The following MAP3K15 variants were observed in gnomAD, a reference collection of about 807,000 sequenced individuals.
MAP3K15 encodes MAPK/ERK kinase kinase 15.
MAP3K15 carries 124 observed loss-of-function variants against 99.5 expected under a neutral mutation model. That is an observed-to-expected ratio of 1.25 (90% CI 1.08 to 1.45). MAP3K15 has a LOEUF of 1.45. Ranked by LOEUF, MAP3K15 falls within the 40% of genes most tolerant of loss-of-function variation. The pLI is 0.00. For synonymous variants in MAP3K15, 494 were observed against 439.6 expected (o/e 1.12, Z -1.55); for missense variants, 1,242 against 1,079.7 (o/e 1.15, Z -2.11).
chrX:19,407,407 C>T (rs2063656069), intron 12 of MAP3K15, 124 bp from the exon 13 acceptor site: 2 of 390,462 alleles, frequency 5.1e-6, no homozygotes, highest in Non-Finnish European at 8.7e-6. Context: ...AACAAACACC[C>T]CCCGAGTCTG....
At position 19,422,346 on chromosome X, in the gene MAP3K15, C is replaced by G. The variant is rs908022762; in HGVS notation, c.1439+3185G>C. ...AACAAATTTACAAGAAAAAAACAAA[C>G]AATCCCATCAAAAAGTGGGCAAAGA... is the stretch of plus-strand genomic sequence containing the variant. On this transcript the variant is annotated intron_variant, in intron 9 of 28. Coordinates refer to ENST00000338883, the MANE Select transcript of MAP3K15 (RefSeq NM_001001671.4). 2.7e-5 allele frequency among the ~76,000 whole-genome samples: 3 copies of G among 111,599 alleles called. No individual in the cohort carries two copies. In the Admixed American group the frequency reaches 2.9e-4, roughly 11 times the overall value.
At chrX:19,373,411 C>A in intron 21 of MAP3K15, 125 bp downstream of exon 21, 4 of 881,953 alleles carry the variant, frequency 4.5e-6, no homozygotes, top group Non-Finnish European at 6.3e-6. Context: ...AGCTGCCCTA[C>A]TGCCCTGCAG....
chrX:19,392,550 G>C, intron 16 of MAP3K15, 77 bp from the exon 17 acceptor site: 3 of 1,062,314 alleles, frequency 2.8e-6, no homozygotes, highest in African/African-American at 1.8e-5. Context: ...AGTGAGGTGA[G>C]GTTTCTAACC....
At chrX:19,454,788 C>A (rs1434542734) in intron 6 of MAP3K15, among the ~76,000 whole-genome samples, 1 of 111,755 alleles carries the variant, frequency 8.9e-6, no homozygotes, top group Non-Finnish European at 1.9e-5. Flanking sequence ...ATGCTCGGGA[C>A]CAGAAGTGCT....
At chrX:19,498,076 G>A (rs1394341045) in intron 1 of MAP3K15, among the ~76,000 whole-genome samples, 2 of 111,924 alleles carry the variant, frequency 1.8e-5, no homozygotes, top group Non-Finnish European at 3.8e-5. Flanking sequence ...TGTGATAAAT[G>A]GAAATGTATA....
At chrX:19,476,493 T>TA (rs1333220786) in intron 3 of MAP3K15, among the ~76,000 whole-genome samples, 1 of 111,955 alleles carries the variant, frequency 8.9e-6, no homozygotes, top group Non-Finnish European at 1.9e-5. Flanking sequence ...AAATCCAAGT[T>TA]GACACAACTC....
chrX:19,441,579 C>A (rs757861664), intron 6 of MAP3K15, among the ~76,000 whole-genome samples: 1 of 111,486 alleles, frequency 9.0e-6, no homozygotes, highest in South Asian at 3.8e-4. Context: ...CAAGCCATCC[C>A]GAGTAGCTGG....
At chrX:19,447,700 C>T (rs1033457434) in intron 6 of MAP3K15, among the ~76,000 whole-genome samples, 1 of 96,492 alleles carries the variant, frequency 1.0e-5, no homozygotes, top group South Asian at 5.7e-4. Context: ...CGGCTAAAAG[C>T]GGTGAAACCC....
At chrX:19,361,645 A>G (rs776362774) in intron 26 of MAP3K15, 52 bp from the exon 27 acceptor site, 6 of 845,402 alleles carry the variant, frequency 7.1e-6, no homozygotes, top group Non-Finnish European at 1.0e-5. Flanking sequence ...AAACTCTTCA[A>G]AAGTAACCAG....
chrX:19,422,792 C>T (rs899779632), intron 9 of MAP3K15, among the ~76,000 whole-genome samples: 5 of 111,449 alleles, frequency 4.5e-5, no homozygotes, highest in Admixed American at 1.9e-4. Flanking sequence ...TGTCCAACAA[C>T]GATAGACTGA....
chrX:19,364,119 C>T (rs192269986), intron 25 of MAP3K15, among the ~76,000 whole-genome samples: 5 of 112,253 alleles, frequency 4.5e-5, no homozygotes, highest in African/African-American at 1.6e-4. Context: ...TGCGGCACTT[C>T]TAGGAAGCAC....
chrX:19,391,674 C>CAAAAAAAAAAAAAAAAAAAAAAAAAAA (rs759061873), intron 18 of MAP3K15, among the ~76,000 whole-genome samples: 7 of 28,525 alleles, frequency 2.5e-4, no homozygotes, highest in East Asian at 1.2e-3. Flanking sequence ...GACCCCGTCT[C>CAAAAAAAAAAAAAAAAAAAAAAAAAAA]AAAAAAAAAA....
chrX:19,436,933 C>G (rs1314481608), intron 6 of MAP3K15, among the ~76,000 whole-genome samples: 4 of 111,776 alleles, frequency 3.6e-5, no homozygotes, highest in Non-Finnish European at 5.6e-5. Flanking sequence ...CCACCTTGGC[C>G]TCCTCAAGTG....
Position 19,371,326 on chromosome X carries a change from G to C in MAP3K15, c.3294+19C>G. On this transcript the variant is annotated intron_variant, in intron 23 of 28. Transcript: ENST00000338883. ...TTCCAAGATCTGGTGTGTTCCCTAG[G>C]GCCAGATGGAGCACTTACGGCATCC... The C allele has an allele frequency of 8.4e-7, 1 of 1,196,956 alleles. No homozygotes were observed. Among genetic ancestry groups the C allele is most frequent in the Admixed American group, 2.2e-5 (1 of 45,647 alleles).
At position 19,494,079 on chromosome X, in the gene MAP3K15, G is replaced by GA. The variant is rs1179677098; in HGVS notation, c.362-5113dup. Among the ~76,000 whole-genome samples, 23 of 106,253 alleles carry GA rather than the reference G, an allele frequency of 2.2e-4. No individual in the cohort carries two copies. The South Asian group carries it at 3.2e-3, about 15-fold the overall frequency. 92.3% of individuals were successfully genotyped at this position (106,253 alleles called of 115,157 possible). On this transcript the variant is annotated intron_variant, in intron 1 of 28. Coordinates refer to ENST00000338883, the MANE Select transcript of MAP3K15 (RefSeq NM_001001671.4). ...CCTACTGACGCAGGCCAGCTTCAGG[G>GA]AAAAAAAAAACACATATCATATAAA...
At chrX:19,391,108 A>G (rs1011184206) in intron 18 of MAP3K15, among the ~76,000 whole-genome samples, 140 of 111,464 alleles carry the variant, frequency 1.3e-3, no homozygotes, top group African/African-American at 4.2e-3. Flanking sequence ...CATTACTGAC[A>G]CATGGACAAG....
chrX:19,373,564 G>C lies in MAP3K15; in HGVS notation c.2905C>G (p.Pro969Ala). The C allele has an allele frequency of 1.7e-6, 2 of 1,173,317 alleles. No individual in the cohort carries two copies. The highest frequency in any genetic ancestry group is 2.3e-6 in the Non-Finnish European group (2 of 876,022). ...AGGAGGTGGCCAAGGTGGTGCCTGG[G>C]CGCCCGGGTCCTCTCAAAGAGTGCG... ...PDALFERTRA[P>A]RHHLGHLLSV... is the part of the protein sequence containing the mutation. The change falls in exon 21 of 29, where the codon CCC (proline) becomes GCC (alanine). Residue 969 changes from proline to alanine, a missense_variant. Pro to Ala is a conservative substitution (Grantham distance 27). Transcript: ENST00000338883.
At chrX:19,452,107 AGAG>A (rs1411052023) in intron 6 of MAP3K15, among the ~76,000 whole-genome samples, 1 of 6 alleles carries the variant, frequency 0.17, no homozygotes, top group Non-Finnish European at 0.5. Flanking sequence ...AGAGAAGAGA[AGAG>A]AAGAGAAGAG....
chrX:19,392,805 A>G (rs899461293), intron 16 of MAP3K15, among the ~76,000 whole-genome samples: 4 of 111,535 alleles, frequency 3.6e-5, no homozygotes, highest in African/African-American at 1.3e-4. Context: ...CTTGAGGGGC[A>G]TGGCCTGCTG....
Sources: allele counts gnomAD v4.1 joint callset (sites outside exome capture counted in the v4.1 genomes callset), GRCh38; gene constraint gnomAD v4.1.1; transcripts MANE v1.5; gene names NCBI Gene and HGNC (gene_info 2026-07-23, HGNC 2026-07-21).